Variants in NRXN1 observed in about 807,000 individuals in gnomAD.
NRXN1 encodes neurexin 1.
Under a neutral mutation model 150.9 loss-of-function variants are expected in NRXN1, and 39 were observed. That is an observed-to-expected ratio of 0.26 (90% confidence interval 0.20 to 0.34). The LOEUF is 0.34. Ranked by LOEUF, NRXN1 falls within the 10% of genes least tolerant of loss-of-function variation. The pLI is 1.00. For synonymous variants in NRXN1, 924 were observed against 757.0 expected (o/e 1.22, Z -3.62); for missense variants, 1,815 against 1,949.9 (o/e 0.93, Z 1.30).
chr2:49,958,941 CAG>C (rs1183348384), intron 21 of NRXN1, among the ~76,000 whole-genome samples: 2 of 152,124 alleles, frequency 1.3e-5, no homozygotes, highest in African/African-American at 4.8e-5. Context: ...TAAAGGATAT[CAG>C]AGAGGTTCTC....
chr2:51,010,979 G>T lies in NRXN1; in HGVS notation c.772+16523C>A, dbSNP rs539976355. On this transcript the variant is annotated intron_variant, in intron 2 of 22. Coordinates refer to ENST00000401669, the MANE Select transcript of NRXN1 (RefSeq NM_001330078.2). ...AAAATGTTTTTGTATCGCGCTTTTT[G>T]CCTGGGCTGGTCTCAAACTCCTGGC... is the stretch of plus-strand genomic sequence containing the variant. 5.7e-4 allele frequency among the ~76,000 whole-genome samples: 86 copies of T among 151,692 alleles called. 1 individual carries two copies. The highest frequency in any genetic ancestry group is 2.0e-3 in the African/African-American group (84 of 41,436).
intron 2 of NRXN1, among the ~76,000 whole-genome samples, chr2:50,973,799 C>T (rs1314534318): frequency 3.3e-5 from 5 of 151,974 alleles, no homozygotes; most frequent in Non-Finnish European, 7.4e-5. Context: ...ATTGTAGCTT[C>T]ATATTTTTTA....
chr2:50,097,367 GCTCT>G, intron 18 of NRXN1, among the ~76,000 whole-genome samples: 4 of 152,246 alleles, frequency 2.6e-5, no homozygotes, highest in African/African-American at 9.6e-5. Context: ...GTCTTTAAAT[GCTCT>G]CTCTATGCTT....
At chr2:50,147,327 T>C (rs1211990962) in intron 18 of NRXN1, among the ~76,000 whole-genome samples, 1 of 151,738 alleles carries the variant, frequency 6.6e-6, no homozygotes, top group African/African-American at 2.4e-5. Context: ...TCTTTATCTG[T>C]ATAGCCAGAG....
chr2:50,188,486 C>G (rs1386268610), intron 18 of NRXN1, among the ~76,000 whole-genome samples: 1 of 152,126 alleles, frequency 6.6e-6, no homozygotes, highest in South Asian at 2.1e-4. Context: ...AACTAAAACA[C>G]TAAAAGCAAT....
intron 18 of NRXN1, among the ~76,000 whole-genome samples, chr2:50,168,660 G>A (rs1352226548): frequency 1.3e-5 from 2 of 152,108 alleles, no homozygotes; most frequent in Non-Finnish European, 2.9e-5. Flanking sequence ...CTGGCAGGTT[G>A]ACCGAATAAT....
chr2:50,236,847 G>A lies in NRXN1; in HGVS notation c.3488C>T (p.Ala1163Val), dbSNP rs145718662. The A allele has an allele frequency of 3.1e-6, 5 of 1,613,228 alleles. No individual in the cohort carries two copies. Among genetic ancestry groups the A allele is most frequent in the Non-Finnish European group, 3.4e-6 (4 of 1,179,600 alleles). ...AGAACTGTCCACTCGCACCAATACG[G>A]CTTCTTTCTGAACAGTGCTAAAACC... Reference protein sequence around the residue: ...AIGFSTVQKEAVLVRVDSSSG... With the variant: ...AIGFSTVQKEVVLVRVDSSSG... Residue 1163 changes from alanine to valine, a missense_variant, in exon 18 of 23, where the codon GCC (alanine) becomes GTC (valine). By Grantham distance (64) the Ala-to-Val change is moderately conservative. Transcript: ENST00000401669.
intron 17 of NRXN1, among the ~76,000 whole-genome samples, chr2:50,368,603 C>A (rs2079777782): frequency 6.6e-6 from 1 of 151,912 alleles, no homozygotes; most frequent in African/African-American, 2.4e-5. Context: ...CTTTGAAAAA[C>A]AGGTGAGTGA....
intron 17 of NRXN1, among the ~76,000 whole-genome samples, chr2:50,271,606 T>A (rs2069654748): frequency 6.6e-6 from 1 of 152,134 alleles, no homozygotes; most frequent in African/African-American, 2.4e-5. Flanking sequence ...TTAACAAGAT[T>A]TTATAGGTCA....
Position 51,028,052 on chromosome 2 carries a change from G to A in NRXN1, c.222C>T (p.Gly74=), listed in dbSNP as rs201592993. ...RGLVLYFDDE[G]FCDFLELILT... ...GAATCAGCTCCAGGAAGTCGCAGAA[G>A]CCCTCGTCGTCGAAGTAGAGCACGA... Residue 74 remains glycine, a synonymous_variant, in exon 2 of 23, where the codon GGC becomes GGT. Coordinates refer to ENST00000401669, the MANE Select transcript of NRXN1 (RefSeq NM_001330078.2). 2.6e-4 allele frequency: 412 copies of A among 1,598,728 alleles called. No individual in the cohort carries two copies. The African/African-American group carries it at 4.3e-3, about 17-fold the overall frequency.
chr2:50,286,751 A>T (rs1479098059), intron 17 of NRXN1, among the ~76,000 whole-genome samples: 1 of 152,148 alleles, frequency 6.6e-6, no homozygotes, highest in Non-Finnish European at 1.5e-5. Context: ...AAAGTTGAAA[A>T]AATACTTCAC....
intron 21 of NRXN1, among the ~76,000 whole-genome samples, chr2:50,046,652 C>G (rs1339049947): frequency 1.3e-5 from 2 of 152,094 alleles, no homozygotes; most frequent in African/African-American, 4.8e-5. Context: ...ATAATCCTCA[C>G]AATAAACTTA....
chr2:50,495,380 GGTGTGTGTGTGT>G (rs1157611088), intron 15 of NRXN1, among the ~76,000 whole-genome samples: 25 of 17,780 alleles, frequency 1.4e-3, no homozygotes, highest in Admixed American at 3.5e-3. Flanking sequence ...GTGTGTGTGT[GGTGTGTGTGTGT>G]GTGTGTGTGT....
intron 5 of NRXN1, among the ~76,000 whole-genome samples, chr2:50,865,799 T>A (rs964330230): frequency 6.7e-6 from 1 of 149,526 alleles, no homozygotes; most frequent in South Asian, 2.1e-4. Flanking sequence ...TTACTGGGAA[T>A]GGGAATTACT....
At chr2:50,481,578 T>C (rs1314822965) in intron 15 of NRXN1, among the ~76,000 whole-genome samples, 1 of 152,142 alleles carries the variant, frequency 6.6e-6, no homozygotes, top group African/African-American at 2.4e-5. Flanking sequence ...GACACTTGTA[T>C]GTATCCATGG....
At chr2:50,308,842 C>G (rs917105241) in intron 17 of NRXN1, among the ~76,000 whole-genome samples, 1 of 152,130 alleles carries the variant, frequency 6.6e-6, no homozygotes, top group Non-Finnish European at 1.5e-5. Flanking sequence ...CTGAGCCCAC[C>G]ACTCATCCAA....
At chr2:50,670,823 T>C (rs939470501) in intron 5 of NRXN1, among the ~76,000 whole-genome samples, 2 of 151,894 alleles carry the variant, frequency 1.3e-5, no homozygotes, top group Admixed American at 6.6e-5. Flanking sequence ...TGCATTTATT[T>C]AAAGAATATT....
chr2:50,603,759 C>T (rs963796326), intron 8 of NRXN1, among the ~76,000 whole-genome samples: 2 of 152,148 alleles, frequency 1.3e-5, no homozygotes, highest in African/African-American at 2.4e-5. Flanking sequence ...GAGATTAATG[C>T]TTTCACTTGA....
At chr2:50,481,819 G>A (rs2090486013) in intron 15 of NRXN1, among the ~76,000 whole-genome samples, 1 of 119,468 alleles carries the variant, frequency 8.4e-6, no homozygotes, top group African/African-American at 4.4e-5. Flanking sequence ...AGGCTGGAGT[G>A]CAGTGGCGGG....
Sources: gnomAD v4.1 joint callset for allele counts (sites outside exome capture counted in the v4.1 genomes callset) on GRCh38, gnomAD v4.1.1 for gene constraint, MANE v1.5 for transcripts, NCBI Gene and HGNC (gene_info 2026-07-23, HGNC 2026-07-21) for gene names.